Variants in PRORP observed in about 807,000 individuals in gnomAD.
The protein encoded by PRORP is protein only RNase P catalytic subunit, also known as mitochondrial ribonuclease P catalytic subunit.
A neutral mutation model predicts 59.4 loss-of-function variants in PRORP; 51 were observed. The observed-to-expected ratio is 0.86, with a 90% CI of 0.69 to 1.08. PRORP has a LOEUF of 1.08. PRORP is among the 50% of genes least tolerant of loss of function. The pLI, the probability that PRORP is intolerant of heterozygous loss-of-function variation, is 0.00. For synonymous variants in PRORP, 231 were observed against 245.6 expected (o/e 0.94, Z 0.55); for missense variants, 646 against 690.3 (o/e 0.94, Z 0.72).
chr14:35,215,858 C>A (rs2049575593), intron 5 of PRORP, among the ~76,000 whole-genome samples: 1 of 151,814 alleles, frequency 6.6e-6, no homozygotes, highest in Non-Finnish European at 1.5e-5. Flanking sequence ...CCTCCACCTC[C>A]TGGGTTCAAG....
At chr14:35,262,871 A>G in intron 5 of PRORP, 1 of 1,547,080 alleles carries the variant, frequency 6.5e-7, no homozygotes, top group Non-Finnish European at 8.9e-7. Flanking sequence ...CAGTATCTCA[A>G]GCCCAGAAAG....
At position 35,122,623 on chromosome 14, in the gene PRORP, T is replaced by C. The variant is rs1397507735; in HGVS notation, c.-307T>C. 6.5e-6 allele frequency: 1 copy of C among 154,376 alleles called. No individual in the cohort carries two copies. Among genetic ancestry groups the C allele is most frequent in the Non-Finnish European group, 1.4e-5 (1 of 69,248 alleles). 9.6% of individuals were successfully genotyped at this position (154,376 alleles called of 1,614,324 possible). ...AGTTGTTGAATGAAGTGAACTTCAT[T>C]TGTCAGCGTTCGGTACGCAGTCTAG... On this transcript the variant is annotated 5_prime_UTR_variant, in exon 1 of 8. Coordinates refer to ENST00000534898, the MANE Select transcript of PRORP (RefSeq NM_014672.4).
In PRORP at chr14:35,124,232, G is replaced by T; in HGVS notation, c.986+1G>T. 7 of 1,508,658 alleles carry T rather than the reference G, an allele frequency of 4.6e-6. No individual in the cohort carries two copies. Among genetic ancestry groups the T allele is most frequent in the South Asian group, 4.2e-5 (3 of 72,020 alleles). The allele number at this position is 1,508,658 out of a possible 1,614,324, so 93.5% of individuals were successfully genotyped here. On this transcript the variant is annotated splice_donor_variant, in intron 2 of 7. Coordinates refer to ENST00000534898, the MANE Select transcript of PRORP (RefSeq NM_014672.4). LOFTEE classifies it high-confidence loss of function. The stretch of plus-strand genomic sequence containing the variant: ...ACAGTATAAAAACATGGTTTGAGAG[G>T]TAATTTTGGTTTTTTTATATGTATG...
At chr14:35,201,029 A>C (rs551587066) in intron 5 of PRORP, among the ~76,000 whole-genome samples, 1 of 152,330 alleles carries the variant, frequency 6.6e-6, no homozygotes, top group South Asian at 2.1e-4. Flanking sequence ...TTTTGAGAAT[A>C]ATGGTCAAAT....
intron 5 of PRORP, among the ~76,000 whole-genome samples, chr14:35,250,795 G>T (rs1471631693): frequency 1.3e-5 from 2 of 152,180 alleles, no homozygotes; most frequent in Non-Finnish European, 2.9e-5. Flanking sequence ...TTGAGAGCCA[G>T]GTGGTTTTGA....
intron 5 of PRORP, among the ~76,000 whole-genome samples, chr14:35,240,406 G>C (rs192438193): frequency 8.7e-5 from 13 of 149,642 alleles, no homozygotes; most frequent in Admixed American, 8.2e-4. Flanking sequence ...GGTAGTTACA[G>C]CCATTTCCAA....
chr14:35,266,637 TCA>T, intron 5 of PRORP, 88 bp from the exon 6 acceptor site: 3 of 1,370,644 alleles, frequency 2.2e-6, no homozygotes, highest in South Asian at 1.3e-5. Flanking sequence ...AAAGAGTGCT[TCA>T]CCATTGAGGT....
At chr14:35,242,181 TAGAA>T (rs1435342306) in intron 5 of PRORP, among the ~76,000 whole-genome samples, 1 of 152,238 alleles carries the variant, frequency 6.6e-6, no homozygotes, top group Non-Finnish European at 1.5e-5. Context: ...AATCTTATGA[TAGAA>T]AGATCTAAAT....
At chr14:35,244,820 C>T (rs2050446272) in intron 5 of PRORP, among the ~76,000 whole-genome samples, 1 of 152,200 alleles carries the variant, frequency 6.6e-6, no homozygotes, top group South Asian at 2.1e-4. Context: ...CAACTCTCCA[C>T]CCCAGTCAGG....
At position 35,140,499 on chromosome 14, in the gene PRORP, A is replaced by G. The variant is rs951580866; in HGVS notation, c.1167+12888A>G. 3.4e-5 allele frequency among the ~76,000 whole-genome samples: 5 copies of G among 145,720 alleles called. 1 individual carries two copies. Among genetic ancestry groups the G allele is most frequent in the African/African-American group, 1.2e-4 (5 of 40,984 alleles). The stretch of plus-strand genomic sequence containing the variant: ...GCCATCCATATATCTTTGGTATAAT[A>G]TTTATTTGTTCAGATTTTTTGCCTA... On this transcript the variant is annotated intron_variant, in intron 4 of 7. Coordinates refer to ENST00000534898, the MANE Select transcript of PRORP (RefSeq NM_014672.4).
chr14:35,237,737 C>T (rs933110410), intron 5 of PRORP, among the ~76,000 whole-genome samples: 3 of 152,190 alleles, frequency 2.0e-5, no homozygotes, highest in Non-Finnish European at 2.9e-5. Flanking sequence ...CGGCTCACTG[C>T]AACCTCTGCC....
chr14:35,230,901 G>A (rs971843781), intron 5 of PRORP, among the ~76,000 whole-genome samples: 3 of 149,736 alleles, frequency 2.0e-5, no homozygotes, highest in African/African-American at 7.4e-5. Flanking sequence ...GAAATGTTAT[G>A]CAGTATGCCA....
chr14:35,185,628 A>G (rs1210218500), intron 5 of PRORP, among the ~76,000 whole-genome samples: 2 of 152,242 alleles, frequency 1.3e-5, no homozygotes, highest in African/African-American at 2.4e-5. Flanking sequence ...GGCATAATTC[A>G]AAGAAAGAAA....
chr14:35,235,509 C>T (rs1313716459), intron 5 of PRORP: 9 of 602,894 alleles, frequency 1.5e-5, no homozygotes, highest in South Asian at 1.4e-4. Flanking sequence ...TGTGCAGTCA[C>T]CACCAGCTGA....
intron 5 of PRORP, among the ~76,000 whole-genome samples, chr14:35,230,050 C>CTTTTTTTT (rs35309046): frequency 0.02 from 2,145 of 108,998 alleles, 118 homozygotes; most frequent in African/African-American, 0.064. Context: ...ACTGTAAATT[C>CTTTTTTTT]TTTTTTTTTT....
intron 4 of PRORP, among the ~76,000 whole-genome samples, chr14:35,138,305 T>C (rs2047415659): frequency 6.9e-6 from 1 of 145,936 alleles, no homozygotes; most frequent in Admixed American, 7.1e-5. Context: ...TGAAATACTA[T>C]GGGCTGAGAC....
chr14:35,157,735 C>T (rs995939552), intron 4 of PRORP, among the ~76,000 whole-genome samples: 1 of 152,174 alleles, frequency 6.6e-6, no homozygotes, highest in African/African-American at 2.4e-5. Flanking sequence ...CAATTCAAGG[C>T]ATCTTAATCT....
intron 5 of PRORP, among the ~76,000 whole-genome samples, chr14:35,207,877 C>T (rs1018303527): frequency 4.6e-5 from 7 of 152,284 alleles, no homozygotes; most frequent in South Asian, 2.1e-4. Flanking sequence ...ACTGGCCGGG[C>T]GCGGTGGCTC....
rs533277604 is a variant in PRORP, at chr14:35,240,029, C to T, written c.1276-26698C>T. On this transcript the variant is annotated intron_variant, in intron 5 of 7. Coordinates refer to ENST00000534898, the MANE Select transcript of PRORP (RefSeq NM_014672.4). ...GGCGGAGGTTGCAGTGAGTGGAGAT[C>T]ATGCCACTGCACTCCAACCTGGGTG... is the stretch of plus-strand genomic sequence containing the variant. Among the ~76,000 whole-genome samples, 47 of 146,634 alleles carry T rather than the reference C, an allele frequency of 3.2e-4. 1 individual carries two copies. In the South Asian group the frequency reaches 9.6e-3, roughly 30 times the overall value.
Sources: allele counts gnomAD v4.1 joint callset (sites outside exome capture counted in the v4.1 genomes callset), GRCh38; gene constraint gnomAD v4.1.1; transcripts MANE v1.5; gene names NCBI Gene and HGNC (gene_info 2026-07-23, HGNC 2026-07-21).